SEMA3A: variants seen among roughly 807,000 people sequenced by gnomAD.
The protein encoded by SEMA3A is semaphorin-3A.
Under a neutral mutation model 97.9 loss-of-function variants are expected in SEMA3A, and 29 were observed. The observed-to-expected ratio is 0.30, with a 90% confidence interval of 0.22 to 0.40. SEMA3A has a LOEUF of 0.40. SEMA3A is among the 10% of genes least tolerant of loss of function. The probability of loss-of-function intolerance (pLI) is 1.00; values close to 1 mark genes in which losing one functional copy is unlikely to be tolerated. For missense variants in SEMA3A, 763 were observed against 951.3 expected, an observed-to-expected ratio of 0.80 and a Z score of 2.60; for synonymous variants, 321 against 323.7, an observed-to-expected ratio of 0.99 and a Z score of 0.09.
At chr7:84,046,469 C>T (rs762262947) in intron 5 of SEMA3A, 26 bp from the exon 6 acceptor site, 2 of 1,611,098 alleles carry the variant, frequency 1.2e-6, no homozygotes, top group South Asian at 2.2e-5. Flanking sequence ...ACCACATACA[C>T]ATTCTTTAAT....
intron 2 of SEMA3A, among the ~76,000 whole-genome samples, chr7:84,131,932 G>C (rs1795974043): frequency 6.6e-6 from 1 of 152,040 alleles, no homozygotes; most frequent in South Asian, 2.1e-4. Flanking sequence ...TGTGACTACA[G>C]GCATGTGCCA....
At chr7:84,019,546 T>C (rs1791243813) in intron 6 of SEMA3A, among the ~76,000 whole-genome samples, 2 of 152,140 alleles carry the variant, frequency 1.3e-5, no homozygotes, top group African/African-American at 4.8e-5. Flanking sequence ...TAAATACAAA[T>C]ATGTACTTTA....
At chr7:84,382,294 A>G (rs1221083902) in intron 1 of SEMA3A, among the ~76,000 whole-genome samples, 1 of 151,676 alleles carries the variant, frequency 6.6e-6, no homozygotes, top group African/African-American at 2.4e-5. Flanking sequence ...TTTAGTAGAG[A>G]TGGGGTTTCA....
chr7:83,981,455 C>T lies in SEMA3A; in HGVS notation c.1518G>A (p.Thr506=), dbSNP rs780861957. Residue 506 remains threonine, a synonymous_variant, in exon 14 of 17, where the codon ACG becomes ACA. Coordinates refer to ENST00000265362, the MANE Select transcript of SEMA3A (RefSeq NM_006080.3). ...TKQQQLYIGS[T]AGVAQLPLHR... is the part of the protein sequence containing the mutation. ...GTAAAGGGAGCTGGGCAACCCCAGC[C>T]GTTGAACCAATATATAGTTGTTGCT... is the stretch of plus-strand genomic sequence containing the variant. 15 of 1,611,840 alleles carry T rather than the reference C, an allele frequency of 9.3e-6. No homozygotes were observed. The Admixed American group carries it at 1.0e-4, about 11-fold the overall frequency.
intron 1 of SEMA3A, among the ~76,000 whole-genome samples, chr7:84,402,710 T>A (rs1181244277): frequency 2.6e-5 from 4 of 152,178 alleles, no homozygotes; most frequent in African/African-American, 9.7e-5. Context: ...GTGGTGTATA[T>A]ACATGATGGA....
chr7:84,473,372 G>GTATTATTATTATTATTATAA (rs1230042074), intron 1 of SEMA3A, among the ~76,000 whole-genome samples: 1 of 148,224 alleles, frequency 6.7e-6, no homozygotes, highest in Non-Finnish European at 1.5e-5. Flanking sequence ...TTATATTTTT[G>GTATTATTATTATTATTATAA]TATTATTATT....
At chr7:84,099,288 T>A (rs1250457954) in intron 4 of SEMA3A, among the ~76,000 whole-genome samples, 3 of 57,242 alleles carry the variant, frequency 5.2e-5, no homozygotes, top group African/African-American at 1.0e-4. Flanking sequence ...GCCAGGATGG[T>A]CTCGATCTCC....
chr7:84,464,701 T>A (rs540866162), intron 1 of SEMA3A, among the ~76,000 whole-genome samples: 3 of 152,200 alleles, frequency 2.0e-5, no homozygotes, highest in Non-Finnish European at 4.4e-5. Context: ...ATCATTGTAA[T>A]TGATGCATAG....
chr7:84,141,630 A>G (rs565884713), intron 1 of SEMA3A, among the ~76,000 whole-genome samples: 81 of 152,144 alleles, frequency 5.3e-4, no homozygotes, highest in Middle Eastern at 3.4e-3. Context: ...CCTAGTACCT[A>G]TTAGTTACAT....
intron 1 of SEMA3A, among the ~76,000 whole-genome samples, chr7:84,470,472 A>G (rs1243781453): frequency 1.3e-5 from 2 of 152,150 alleles, no homozygotes; most frequent in Admixed American, 6.5e-5. Context: ...ACAAATTGAT[A>G]AAACAAATTC....
At chr7:84,039,552 A>G (rs897949896) in intron 6 of SEMA3A, among the ~76,000 whole-genome samples, 1 of 152,158 alleles carries the variant, frequency 6.6e-6, no homozygotes, top group Non-Finnish European at 1.5e-5. Context: ...ATTTGATTTG[A>G]GTATGGTAGA....
chr7:84,051,025 T>C (rs932524199), intron 5 of SEMA3A, among the ~76,000 whole-genome samples: 19 of 151,946 alleles, frequency 1.3e-4, no homozygotes, highest in Admixed American at 2.6e-4. Context: ...GTTGTAGATA[T>C]GTGGCATTAT....
At chr7:84,058,855 A>G (rs1793101293) in intron 5 of SEMA3A, among the ~76,000 whole-genome samples, 1 of 152,180 alleles carries the variant, frequency 6.6e-6, no homozygotes, top group Admixed American at 6.5e-5. Flanking sequence ...ATATTCAAAT[A>G]TAAAACTAAA....
intron 12 of SEMA3A, among the ~76,000 whole-genome samples, chr7:83,990,858 A>G (rs992879260): frequency 6.6e-6 from 1 of 150,610 alleles, no homozygotes; most frequent in African/African-American, 2.4e-5. Flanking sequence ...CTGTGAAGAA[A>G]GGCATTGGTA....
At chr7:84,395,963 C>T (rs1480567893) in intron 1 of SEMA3A, among the ~76,000 whole-genome samples, 1 of 151,818 alleles carries the variant, frequency 6.6e-6, no homozygotes, top group East Asian at 1.9e-4. Context: ...GGAATTAGTA[C>T]CTGAAGGAAA....
chr7:84,002,788 T>G (rs528587233), intron 11 of SEMA3A, among the ~76,000 whole-genome samples: 1 of 143,332 alleles, frequency 7.0e-6, no homozygotes, highest in South Asian at 2.3e-4. Flanking sequence ...CATAAAAATA[T>G]TGAATGCATT....
At chr7:84,353,910 T>C (rs972931386) in intron 2 of SEMA3A, among the ~76,000 whole-genome samples, 3 of 151,694 alleles carry the variant, frequency 2.0e-5, no homozygotes, top group African/African-American at 4.8e-5. Flanking sequence ...TTACAAATAC[T>C]GAAATTGCAT....
At chr7:84,380,815 T>C (rs1240447586) in intron 1 of SEMA3A, among the ~76,000 whole-genome samples, 1 of 152,186 alleles carries the variant, frequency 6.6e-6, no homozygotes, top group African/African-American at 2.4e-5. Flanking sequence ...CAAAAACCCT[T>C]AACTTTCAGA....
chr7:83,987,238 T>C (rs1461887094), intron 12 of SEMA3A, among the ~76,000 whole-genome samples: 2 of 151,868 alleles, frequency 1.3e-5, no homozygotes, highest in Admixed American at 6.6e-5. Flanking sequence ...GAGTAAAAAA[T>C]TGAGGATTGA....
Sources: gnomAD v4.1 joint callset for allele counts (sites outside exome capture counted in the v4.1 genomes callset) on GRCh38, gnomAD v4.1.1 for gene constraint, MANE v1.5 for transcripts, NCBI Gene and HGNC (gene_info 2026-07-23, HGNC 2026-07-21) for gene names.